The following LMO7 variants were observed in gnomAD, a reference collection of about 807,000 sequenced individuals.
LMO7 encodes LIM domain 7.
LMO7 carries 120 observed loss-of-function variants against 206.5 expected under a neutral mutation model. The observed-to-expected ratio is 0.58, with a 90% confidence interval of 0.50 to 0.68. LMO7 has a LOEUF of 0.68. Ranked by LOEUF, LMO7 falls within the 30% of genes least tolerant of loss-of-function variation. LMO7 has a pLI of 0.00. For missense variants in LMO7, 1,959 were observed against 1,957.9 expected (o/e 1.00, Z -0.01); for synonymous variants, 706 against 681.5 (o/e 1.04, Z -0.56).
chr13:75,641,801 C>T (rs1348984335), intron 1 of LMO7, among the ~76,000 whole-genome samples: 1 of 151,942 alleles, frequency 6.6e-6, no homozygotes, highest in Admixed American at 6.6e-5. Flanking sequence ...AGTGTACCAC[C>T]ATGCCTGGCT....
intron 4 of LMO7, among the ~76,000 whole-genome samples, chr13:75,769,070 TATA>T (rs1371806997): frequency 1.3e-5 from 2 of 152,160 alleles, no homozygotes; most frequent in Non-Finnish European, 2.9e-5. Flanking sequence ...AACTGGGAAG[TATA>T]ATATTATGTC....
At chr13:75,808,291 C>T in intron 10 of LMO7, 92 bp downstream of exon 10, 1 of 1,366,538 alleles carries the variant, frequency 7.3e-7, no homozygotes, top group Non-Finnish European at 9.8e-7. Context: ...TGTTGCTCAA[C>T]TCTGCATGTC....
intron 4 of LMO7, among the ~76,000 whole-genome samples, chr13:75,781,955 C>T (rs1358989848): frequency 6.6e-6 from 1 of 152,074 alleles, no homozygotes; most frequent in African/African-American, 2.4e-5. Context: ...ATATCCTTTG[C>T]CCACTTTTTG....
chr13:75,736,126 C>T (rs913225914), intron 3 of LMO7, among the ~76,000 whole-genome samples: 8 of 152,164 alleles, frequency 5.3e-5, no homozygotes, highest in Non-Finnish European at 8.8e-5. Context: ...AAGATCTCTC[C>T]AAGTATTTCT....
At chr13:75,782,437 G>T (rs1413338998) in intron 4 of LMO7, among the ~76,000 whole-genome samples, 1 of 152,188 alleles carries the variant, frequency 6.6e-6, no homozygotes, top group Admixed American at 6.5e-5. Context: ...TCTCACCTCT[G>T]TAAAATGTGA....
intron 1 of LMO7, among the ~76,000 whole-genome samples, chr13:75,678,136 A>G (rs1566301082): frequency 6.6e-6 from 1 of 152,170 alleles, no homozygotes; most frequent in Non-Finnish European, 1.5e-5. Flanking sequence ...AGCATGATTT[A>G]TAATCCTTTG....
chr13:75,782,006 C>A (rs1594944878), intron 4 of LMO7, among the ~76,000 whole-genome samples: 1 of 151,980 alleles, frequency 6.6e-6, no homozygotes, highest in East Asian at 1.9e-4. Flanking sequence ...TGTTTGAGTT[C>A]ATTGTAGATT....
intron 2 of LMO7, among the ~76,000 whole-genome samples, chr13:75,630,441 G>A (rs1197580532): frequency 6.6e-6 from 1 of 152,220 alleles, no homozygotes; most frequent in Non-Finnish European, 1.5e-5. Context: ...GGTAGGCTGA[G>A]GCGGGTGGAT....
chr13:75,663,709 C>T (rs1256798374), intron 1 of LMO7, among the ~76,000 whole-genome samples: 2 of 152,148 alleles, frequency 1.3e-5, no homozygotes, highest in Non-Finnish European at 2.9e-5. Flanking sequence ...GGATTACAGG[C>T]GTGAGCCACT....
At chr13:75,798,026 A>C (rs527439770) in intron 6 of LMO7, among the ~76,000 whole-genome samples, 2 of 152,304 alleles carry the variant, frequency 1.3e-5, no homozygotes, top group African/African-American at 4.8e-5. Context: ...CTTTGAGCAC[A>C]GGGAGAGCCT....
At chr13:75,676,506 G>A (rs1320571230) in intron 1 of LMO7, among the ~76,000 whole-genome samples, 1 of 152,100 alleles carries the variant, frequency 6.6e-6, no homozygotes, top group Non-Finnish European at 1.5e-5. Flanking sequence ...GTAACACCGG[G>A]GTGGAGAGCA....
chr13:75,628,462 A>G (rs1185385563), intron 2 of LMO7: 3 of 152,238 alleles, frequency 2.0e-5, no homozygotes, highest in African/African-American at 7.2e-5. Flanking sequence ...TACTGACAAC[A>G]TCACATCTTT....
rs1203515083 is a variant in LMO7 at position 75,636,728 on chromosome 13, T to C, written c.69+2T>C. The C allele has an allele frequency of 6.2e-7, 1 of 1,604,322 alleles. No homozygotes were observed. Among genetic ancestry groups the C allele is most frequent in the East Asian group, 2.2e-5 (1 of 44,494 alleles). On this transcript the variant is annotated splice_donor_variant, in intron 1 of 30. Transcript: ENST00000377534. LOFTEE classifies it high-confidence loss of function. ...GCTGAGGCTCAGAGATGGGTGGAGG[T>C]GAGTGCCTTTCACTGCTTTCCCTTC...
intron 1 of LMO7, among the ~76,000 whole-genome samples, chr13:75,693,501 C>G (rs565735359): frequency 6.0e-4 from 91 of 152,276 alleles, no homozygotes; most frequent in African/African-American, 2.2e-3. Flanking sequence ...ACTGGGAGCC[C>G]TCCTCCCTAC....
At chr13:75,712,488 AT>A (rs963517269) in intron 1 of LMO7, among the ~76,000 whole-genome samples, 5 of 151,824 alleles carry the variant, frequency 3.3e-5, no homozygotes, top group African/African-American at 1.2e-4. Flanking sequence ...GAATCTAGAG[AT>A]TTTTCTAGAG....
intron 2 of LMO7, among the ~76,000 whole-genome samples, chr13:75,723,412 T>G (rs1275360522): frequency 6.6e-6 from 1 of 152,212 alleles, no homozygotes; most frequent in East Asian, 1.9e-4. Context: ...TGTTGTTCAA[T>G]GTCATCTTCC....
intron 1 of LMO7, among the ~76,000 whole-genome samples, chr13:75,677,642 C>CT (rs10633628): frequency 0.28 from 41,303 of 147,620 alleles, 6,635 homozygotes; most frequent in East Asian, 0.49. Context: ...TGTCCTGTAG[C>CT]TTTTTTTTTT....
At chr13:75,631,898 T>C (rs948684374), upstream of LMO7, 1 of 152,174 alleles carries the variant, frequency 6.6e-6, no homozygotes, top group African/African-American at 2.4e-5. Context: ...TGTGCATATA[T>C]GTTTGCTTAG....
intron 4 of LMO7, among the ~76,000 whole-genome samples, chr13:75,787,721 G>A: frequency 6.6e-6 from 1 of 152,172 alleles, no homozygotes; most frequent in East Asian, 1.9e-4. Flanking sequence ...AGCAATGGCA[G>A]ATTAAAACCA....
Sources: allele counts gnomAD v4.1 joint callset (sites outside exome capture counted in the v4.1 genomes callset), GRCh38; gene constraint gnomAD v4.1.1; transcripts MANE v1.5; gene names NCBI Gene and HGNC (gene_info 2026-07-23, HGNC 2026-07-21).